Variants in LRIG2 observed in about 807,000 individuals in gnomAD.
The protein encoded by LRIG2 is leucine rich repeats and immunoglobulin like domains 2.
A neutral mutation model predicts 107.8 loss-of-function variants in LRIG2; 93 were observed. That is an observed-to-expected ratio of 0.86 (90% CI 0.73 to 1.03). The LOEUF is 1.03. Among genes scored for constraint, LRIG2 ranks in the 50% least tolerant of loss-of-function variants. The probability of loss-of-function intolerance (pLI) is 0.00; values close to 1 mark genes in which losing one functional copy is unlikely to be tolerated. For missense variants in LRIG2, 1,226 were observed against 1,296.0 expected, an observed-to-expected ratio of 0.95 and a Z score of 0.83; for synonymous variants, 471 against 470.6, an observed-to-expected ratio of 1.00 and a Z score of -0.01.
chr1:113,090,423 TACAC>T (rs971299819), intron 1 of LRIG2, among the ~76,000 whole-genome samples: 2 of 152,134 alleles, frequency 1.3e-5, no homozygotes, highest in African/African-American at 2.4e-5. Context: ...CATATATAAA[TACAC>T]ACACGTAAAG....
At chr1:113,095,512 G>A (rs183485795) in intron 6 of LRIG2, among the ~76,000 whole-genome samples, 27 of 151,818 alleles carry the variant, frequency 1.8e-4, no homozygotes, top group Middle Eastern at 3.2e-3. Flanking sequence ...GGGTTCAAGC[G>A]ATTCTCCTGC....
chr1:113,131,754 T>G lies in LRIG2; in HGVS notation c.*7653T>G, dbSNP rs1028136465. The G allele has an allele frequency of 2.0e-5, 3 of 151,866 alleles. No homozygotes were observed. The highest frequency in any genetic ancestry group is 4.4e-5 in the Non-Finnish European group (3 of 68,004). 9.4% of individuals were successfully genotyped at this position (151,866 alleles called of 1,614,324 possible). Reference sequence around the variant, plus strand: ...GTTACAAGCTGCACTTAACACCACCTGAAAACCCAAGAATCATCTGAAGGT... The same window carrying G: ...GTTACAAGCTGCACTTAACACCACCGGAAAACCCAAGAATCATCTGAAGGT... On this transcript the variant is annotated 3_prime_UTR_variant, in exon 18 of 18. Transcript: ENST00000361127.
intron 14 of LRIG2, among the ~76,000 whole-genome samples, chr1:113,114,144 T>TA (rs1382917131): frequency 2.6e-5 from 4 of 152,116 alleles, no homozygotes; most frequent in African/African-American, 4.8e-5. Context: ...TCTTTTTTTT[T>TA]AAGTTATTTT....
At chr1:113,074,484 A>T (rs1652864338) in intron 1 of LRIG2, among the ~76,000 whole-genome samples, 1 of 152,180 alleles carries the variant, frequency 6.6e-6, no homozygotes, top group South Asian at 2.1e-4. Flanking sequence ...GCCTGGTGGT[A>T]TTAGGAACAA....
chr1:113,094,304 A>T (rs557930863), intron 4 of LRIG2, 35 bp from the exon 5 acceptor site: 1 of 1,541,338 alleles, frequency 6.5e-7, no homozygotes, highest in East Asian at 2.3e-5. Flanking sequence ...TATTTTACTA[A>T]ATTTTTTCTT....
chr1:113,131,507 C>T lies in LRIG2; in HGVS notation c.*7406C>T, dbSNP rs1224291649. The T allele has an allele frequency of 1.3e-5, 2 of 152,146 alleles. No individual in the cohort carries two copies. The highest frequency in any genetic ancestry group is 4.8e-5 in the African/African-American group (2 of 41,400). The allele number at this position is 152,146 out of a possible 1,614,324, so 9.4% of individuals were successfully genotyped here. Reference sequence around the variant, plus strand: ...GACAGTTGAACCTTAGAAGATTGAGCTAAGATTCTTTTTTTGGCAACCTGC... The same window carrying T: ...GACAGTTGAACCTTAGAAGATTGAGTTAAGATTCTTTTTTTGGCAACCTGC... On this transcript the variant is annotated 3_prime_UTR_variant, in exon 18 of 18. Coordinates refer to ENST00000361127, the MANE Select transcript of LRIG2 (RefSeq NM_014813.3).
intron 1 of LRIG2, among the ~76,000 whole-genome samples, chr1:113,081,628 C>A (rs1487366829): frequency 2.0e-5 from 3 of 152,074 alleles, no homozygotes; most frequent in African/African-American, 7.2e-5. Context: ...TCAAGCAATT[C>A]TCCTGCCTCA....
chr1:113,080,537 G>A (rs1653222572), intron 1 of LRIG2, among the ~76,000 whole-genome samples: 1 of 151,544 alleles, frequency 6.6e-6, no homozygotes, highest in Non-Finnish European at 1.5e-5. Context: ...CTACCACCAC[G>A]CCCGGCTAAT....
intron 14 of LRIG2, 120 bp from the exon 15 acceptor site, chr1:113,114,307 C>T (rs1425674523): frequency 1.7e-6 from 1 of 603,698 alleles, no homozygotes. Flanking sequence ...ACTTCTAATC[C>T]TCCCATGAGT....
chr1:113,077,700 CTATTTTAG>C (rs1653049439), intron 1 of LRIG2, among the ~76,000 whole-genome samples: 1 of 152,062 alleles, frequency 6.6e-6, no homozygotes, highest in African/African-American at 2.4e-5. Flanking sequence ...ACCTCTGTAG[CTATTTTAG>C]TAACCCTGGC....
intron 2 of LRIG2, among the ~76,000 whole-genome samples, chr1:113,092,258 G>T (rs1383749627): frequency 6.6e-6 from 1 of 152,184 alleles, no homozygotes; most frequent in African/African-American, 2.4e-5. Context: ...TCTTTTCTGT[G>T]TTCTAGATTG....
At chr1:113,086,000 G>GTTTTTTTTTTTTTTTTT (rs34131524) in intron 1 of LRIG2, among the ~76,000 whole-genome samples, 1 of 65,002 alleles carries the variant, frequency 1.5e-5, no homozygotes, top group African/African-American at 5.9e-5. Flanking sequence ...TAACCCTGAG[G>GTTTTTTTTTTTTTTTTT]TTTTTTTTTT....
At chr1:113,081,055 C>A (rs999761197) in intron 1 of LRIG2, among the ~76,000 whole-genome samples, 3 of 151,558 alleles carry the variant, frequency 2.0e-5, no homozygotes, top group African/African-American at 7.3e-5. Context: ...GTTGGCCAGG[C>A]TGGCCTCAAA....
chr1:113,114,626 T>TG lies in LRIG2; in HGVS notation c.2281dup (p.Ala761GlyfsTer10). ...TCATTGTAGATGCCGGGCTAGAAGA[T>TG]GCTGGGAAATATACCTGCATTATGT... On this transcript the variant is annotated frameshift_variant, in exon 15 of 18. Coordinates refer to ENST00000361127, the MANE Select transcript of LRIG2 (RefSeq NM_014813.3). LOFTEE classifies it high-confidence loss of function. The TG allele has an allele frequency of 6.2e-7, 1 of 1,614,126 alleles. No homozygotes were observed. Among genetic ancestry groups the TG allele is most frequent in the Non-Finnish European group, 8.5e-7 (1 of 1,180,018 alleles).
rs1286110016 is a variant in LRIG2, at chr1:113,114,753, T to C, written c.2407T>C (p.Trp803Arg). The change falls in exon 15 of 18, where the codon TGG (tryptophan) becomes CGG (arginine). Residue 803 changes from tryptophan to arginine, a missense_variant. By Grantham distance (101) the Trp-to-Arg change is moderately radical. Around this residue, in one of 3 missense-constraint regions of LRIG2, gnomAD observed 642 missense variants for 712.2 expected, o/e 0.90. Coordinates refer to ENST00000361127, the MANE Select transcript of LRIG2 (RefSeq NM_014813.3). Reference protein sequence around the residue: ...QSSIGHEDDGWTTVGIVIIVV... With the variant: ...QSSIGHEDDGRTTVGIVIIVV... ...TAGCATTGGGCATGAAGATGATGGCTGGACCACAGTTGGCATTGTCATCAT... is the reference window on the plus strand; with the variant it reads ...TAGCATTGGGCATGAAGATGATGGCCGGACCACAGTTGGCATTGTCATCAT... 6 of 1,614,106 alleles carry C rather than the reference T, an allele frequency of 3.7e-6. No homozygotes were observed. Among genetic ancestry groups the C allele is most frequent in the Non-Finnish European group, 5.1e-6 (6 of 1,180,050 alleles).
intron 11 of LRIG2, among the ~76,000 whole-genome samples, chr1:113,107,024 C>T (rs1221659328): frequency 1.3e-5 from 2 of 151,930 alleles, no homozygotes; most frequent in Non-Finnish European, 2.9e-5. Flanking sequence ...TGTTCTATTT[C>T]CCTCCCTCCT....
chr1:113,079,487 A>C (rs1043735052), intron 1 of LRIG2, among the ~76,000 whole-genome samples: 2 of 151,458 alleles, frequency 1.3e-5, no homozygotes, highest in Admixed American at 6.6e-5. Context: ...GTTTGAGATC[A>C]GCCTGGCTAA....
At chr1:113,087,714 G>T (rs368837730) in intron 1 of LRIG2, among the ~76,000 whole-genome samples, 15 of 152,160 alleles carry the variant, frequency 9.9e-5, no homozygotes, top group Non-Finnish European at 2.2e-4. Context: ...AATAGGAAAG[G>T]CATGCTTACG....
At position 113,089,793 on chromosome 1, in the gene LRIG2, A is replaced by G. The variant is rs1653718903; in HGVS notation, c.240-1525A>G. Among the ~76,000 whole-genome samples, 4 of 144,094 alleles carry G rather than the reference A, an allele frequency of 2.8e-5. No individual in the cohort carries two copies. The South Asian group carries it at 8.9e-4, about 32-fold the overall frequency. 94.5% of individuals were successfully genotyped at this position (144,094 alleles called of 152,430 possible). ...CTACAACCTCCGCCTCAAGGGTTCA[A>G]GTGATTCTCCTGCCTCAGCCTCCCG... On this transcript the variant is annotated intron_variant, in intron 1 of 17. Coordinates refer to ENST00000361127, the MANE Select transcript of LRIG2 (RefSeq NM_014813.3).
Sources: gnomAD v4.1 joint callset for allele counts (sites outside exome capture counted in the v4.1 genomes callset) on GRCh38, gnomAD v4.1.1 for gene constraint, gnomAD v4.1.1 regional missense constraint, MANE v1.5 for transcripts, NCBI Gene and HGNC (gene_info 2026-07-23, HGNC 2026-07-21) for gene names.